The following FMNL2 variants were observed in gnomAD, a reference collection of about 807,000 sequenced individuals.
FMNL2 encodes formin like 2, also known as formin-like protein 2.
In FMNL2, 51 loss-of-function variants were observed where a neutral mutation model predicts 130.2. That is an observed-to-expected ratio of 0.39 (90% CI 0.31 to 0.49). The LOEUF is 0.49. Among genes scored for constraint, FMNL2 ranks in the 20% least tolerant of loss-of-function variants. The probability of loss-of-function intolerance (pLI) is 0.85; values close to 1 mark genes in which losing one functional copy is unlikely to be tolerated. For synonymous variants in FMNL2, 465 were observed against 467.1 expected, an observed-to-expected ratio of 1.00 and a Z score of 0.06; for missense variants, 977 against 1,316.2, an observed-to-expected ratio of 0.74 and a Z score of 3.99.
At chr2:152,547,733 C>CT (rs1193384528) in intron 3 of FMNL2, among the ~76,000 whole-genome samples, 2 of 152,154 alleles carry the variant, frequency 1.3e-5, no homozygotes, top group Non-Finnish European at 1.5e-5. Context: ...CTGAAGGACT[C>CT]TGTGTCTGCT....
At chr2:152,597,870 C>T (rs1697849250) in intron 9 of FMNL2, among the ~76,000 whole-genome samples, 1 of 152,114 alleles carries the variant, frequency 6.6e-6, no homozygotes, top group Non-Finnish European at 1.5e-5. Context: ...TGCTTAAGAC[C>T]CAGAGGTGAC....
chr2:152,618,285 T>G (rs2105891483), intron 13 of FMNL2, among the ~76,000 whole-genome samples: 1 of 152,340 alleles, frequency 6.6e-6, no homozygotes, highest in Non-Finnish European at 1.5e-5. Context: ...TGGGAAAATG[T>G]TACAACAATC....
At chr2:152,556,574 C>T (rs1173766166) in intron 4 of FMNL2, among the ~76,000 whole-genome samples, 5 of 152,098 alleles carry the variant, frequency 3.3e-5, no homozygotes, top group South Asian at 2.1e-4. Flanking sequence ...GCATGTTAAG[C>T]GAATTGTAAC....
intron 1 of FMNL2, among the ~76,000 whole-genome samples, chr2:152,350,104 T>C (rs990091827): frequency 6.6e-6 from 1 of 152,074 alleles, no homozygotes; most frequent in Non-Finnish European, 1.5e-5. Flanking sequence ...GAGAATAAAA[T>C]GGGATATGTG....
At chr2:152,438,537 T>A (rs879439525) in intron 1 of FMNL2, among the ~76,000 whole-genome samples, 33 of 152,204 alleles carry the variant, frequency 2.2e-4, no homozygotes, top group Non-Finnish European at 4.3e-4. Context: ...GTGGTTTTTT[T>A]ATTTTTTATT....
chr2:152,574,663 C>G (rs1696379174), intron 6 of FMNL2, among the ~76,000 whole-genome samples: 1 of 152,088 alleles, frequency 6.6e-6, no homozygotes, highest in South Asian at 2.1e-4. Flanking sequence ...ATTACTCTTT[C>G]TTTTTAAAAC....
intron 3 of FMNL2, among the ~76,000 whole-genome samples, chr2:152,543,809 C>T (rs1008499502): frequency 5.7e-5 from 8 of 140,208 alleles, no homozygotes; most frequent in South Asian, 4.7e-4. Context: ...CTTTCTCTTA[C>T]GGTTAATATG....
chr2:152,441,970 T>C (rs1688075155), intron 1 of FMNL2, among the ~76,000 whole-genome samples: 1 of 152,102 alleles, frequency 6.6e-6, no homozygotes, highest in Non-Finnish European at 1.5e-5. Flanking sequence ...CCAGTGTGTG[T>C]CTGTGTGTGT....
At chr2:152,398,183 T>G (rs1355712449) in intron 1 of FMNL2, among the ~76,000 whole-genome samples, 1 of 152,216 alleles carries the variant, frequency 6.6e-6, no homozygotes, top group Middle Eastern at 3.2e-3. Context: ...GCGAACTTGC[T>G]GAAGTATTAT....
chr2:152,494,426 G>C (rs1482982369), intron 1 of FMNL2, among the ~76,000 whole-genome samples: 1 of 152,194 alleles, frequency 6.6e-6, no homozygotes, highest in African/African-American at 2.4e-5. Flanking sequence ...AGCAAAATTA[G>C]TAGGGAAACT....
At chr2:152,611,935 A>G (rs967027183) in intron 11 of FMNL2, among the ~76,000 whole-genome samples, 4 of 152,112 alleles carry the variant, frequency 2.6e-5, no homozygotes, top group African/African-American at 7.2e-5. Context: ...CTATTGGGCA[A>G]TTTGTGTTCT....
intron 13 of FMNL2, 92 bp from the exon 14 acceptor site, chr2:152,618,754 T>C: frequency 8.7e-7 from 1 of 1,153,304 alleles, no homozygotes; most frequent in South Asian, 1.8e-5. Context: ...TATGAGTATC[T>C]TTTTTTCTCT....
At chr2:152,492,431 G>C (rs1160709637) in intron 1 of FMNL2, among the ~76,000 whole-genome samples, 1 of 152,076 alleles carries the variant, frequency 6.6e-6, no homozygotes, top group African/African-American at 2.4e-5. Flanking sequence ...AATATTTTTG[G>C]CTTTGTCAAC....
chr2:152,365,822 G>C (rs1354252475), intron 1 of FMNL2, among the ~76,000 whole-genome samples: 1 of 152,130 alleles, frequency 6.6e-6, no homozygotes, highest in Admixed American at 6.6e-5. Context: ...GCAGCTATGA[G>C]AATAGATAAG....
chr2:152,648,239 G>T lies in FMNL2; in HGVS notation c.*334G>T. ...GTGATTGTCCCATCATGGCCCACCT[G>T]GTTTCCTGATGTTGTAAATAACATC... On this transcript the variant is annotated 3_prime_UTR_variant, in exon 26 of 26. Coordinates refer to ENST00000288670, the MANE Select transcript of FMNL2 (RefSeq NM_052905.4). 4.5e-6 allele frequency: 1 copy of T among 219,884 alleles called. No homozygotes were observed. Among genetic ancestry groups the T allele is most frequent in the Admixed American group, 5.3e-5 (1 of 18,910 alleles). 13.6% of individuals were successfully genotyped at this position (219,884 alleles called of 1,614,324 possible).
chr2:152,599,213 A>G (rs1233159850), intron 9 of FMNL2, among the ~76,000 whole-genome samples: 1 of 152,216 alleles, frequency 6.6e-6, no homozygotes, highest in Non-Finnish European at 1.5e-5. Flanking sequence ...CACCGTCTCA[A>G]GTTGACGCAT....
At chr2:152,609,444 T>A (rs552182618) in intron 10 of FMNL2, among the ~76,000 whole-genome samples, 1 of 152,322 alleles carries the variant, frequency 6.6e-6, no homozygotes, top group East Asian at 1.9e-4. Flanking sequence ...AACATATTCC[T>A]CATAACATAT....
At chr2:152,509,218 T>C (rs1376775890) in intron 1 of FMNL2, among the ~76,000 whole-genome samples, 1 of 152,222 alleles carries the variant, frequency 6.6e-6, no homozygotes, top group African/African-American at 2.4e-5. Flanking sequence ...GAAAACCTTA[T>C]GCCCCAACAA....
At chr2:152,595,550 C>T (rs1004539069) in intron 9 of FMNL2, among the ~76,000 whole-genome samples, 6 of 152,116 alleles carry the variant, frequency 3.9e-5, no homozygotes, top group Non-Finnish European at 5.9e-5. Context: ...AACTCCTGAC[C>T]TCAAGTGATC....
Sources: gnomAD v4.1 joint callset for allele counts (sites outside exome capture counted in the v4.1 genomes callset) on GRCh38, gnomAD v4.1.1 for gene constraint, MANE v1.5 for transcripts, NCBI Gene and HGNC (gene_info 2026-07-23, HGNC 2026-07-21) for gene names.